TMEM108: variants seen among roughly 807,000 people sequenced by gnomAD.
TMEM108 encodes the protein transmembrane protein 108.
TMEM108 carries 12 observed loss-of-function variants against 35.1 expected under a neutral mutation model. The observed-to-expected ratio is 0.34, with a 90% CI of 0.22 to 0.55. The LOEUF is 0.55. TMEM108 is among the 20% of genes least tolerant of loss of function. TMEM108 has a pLI of 0.89. For missense variants in TMEM108, 680 were observed against 753.3 expected (o/e 0.90, Z 1.14); for synonymous variants, 287 against 308.6 (o/e 0.93, Z 0.73).
intron 2 of TMEM108, among the ~76,000 whole-genome samples, chr3:133,148,447 C>T (rs967032197): frequency 1.3e-5 from 2 of 151,934 alleles, no homozygotes; most frequent in Non-Finnish European, 2.9e-5. Context: ...ACTTTCATTT[C>T]TAGGAGCATT....
chr3:133,272,272 C>CATGTGTGTGTGTGTGTGT (rs373072243), intron 3 of TMEM108, among the ~76,000 whole-genome samples: 23 of 137,726 alleles, frequency 1.7e-4, no homozygotes, highest in African/African-American at 6.2e-4. Context: ...CATACACGTA[C>CATGTGTGTGTGTGTGTGT]GTGTGTGTGT....
chr3:133,297,745 G>A (rs1328374418), intron 3 of TMEM108, among the ~76,000 whole-genome samples: 1 of 152,136 alleles, frequency 6.6e-6, no homozygotes, highest in Non-Finnish European at 1.5e-5. Flanking sequence ...AGGAGTGGTG[G>A]GGACCACATG....
intron 2 of TMEM108, chr3:133,074,275 C>T (rs1943713775): frequency 6.6e-6 from 1 of 151,982 alleles, no homozygotes; most frequent in South Asian, 2.1e-4. Flanking sequence ...ATTTGATTCC[C>T]CCCCAACAAG....
intron 2 of TMEM108, among the ~76,000 whole-genome samples, chr3:133,092,980 T>C (rs1943968171): frequency 6.7e-6 from 1 of 149,730 alleles, no homozygotes; most frequent in African/African-American, 2.4e-5. Flanking sequence ...ATTTTATATA[T>C]GTAGGTAAAG....
chr3:133,300,406 C>T (rs998004211), intron 3 of TMEM108, among the ~76,000 whole-genome samples: 10 of 151,976 alleles, frequency 6.6e-5, no homozygotes, highest in African/African-American at 1.9e-4. Flanking sequence ...TTTACTTTGG[C>T]GGCAACTGGG....
rs376158958 is a variant in TMEM108, at chr3:133,066,815, T to C, written c.-47+20795T>C. On this transcript the variant is annotated intron_variant, in intron 2 of 5. Transcript: ENST00000321871. ...TTACCAATTGCATTCCCTCCCTCTC[T>C]CCCCTACTAGAGGTAATTAGTACAC... Among the ~76,000 whole-genome samples the C allele has an allele frequency of 1.8e-4, 27 of 152,312 alleles. No homozygotes were observed. The East Asian group carries it at 4.4e-3, about 25-fold the overall frequency.
At chr3:133,199,373 G>C (rs1195727092) in intron 2 of TMEM108, among the ~76,000 whole-genome samples, 1 of 152,190 alleles carries the variant, frequency 6.6e-6, no homozygotes, top group Non-Finnish European at 1.5e-5. Flanking sequence ...CTGATTTTTA[G>C]AATTTTCAGC....
intron 2 of TMEM108, among the ~76,000 whole-genome samples, chr3:133,161,857 G>A (rs996765080): frequency 1.3e-5 from 2 of 152,094 alleles, no homozygotes; most frequent in Admixed American, 6.5e-5. Context: ...CCCAACCAAA[G>A]AGCTCCTCGA....
chr3:133,284,666 C>T (rs1946960277), intron 3 of TMEM108, among the ~76,000 whole-genome samples: 3 of 152,192 alleles, frequency 2.0e-5, no homozygotes, highest in Admixed American at 2.0e-4. Context: ...TTTGAGTTTA[C>T]CTCTTCCAAA....
chr3:133,259,171 T>G (rs1021579673), intron 3 of TMEM108, among the ~76,000 whole-genome samples: 20 of 152,220 alleles, frequency 1.3e-4, no homozygotes, highest in African/African-American at 4.3e-4. Context: ...ACTTCGTACT[T>G]TAATAAACCT....
intron 3 of TMEM108, among the ~76,000 whole-genome samples, chr3:133,308,598 T>G (rs1329302854): frequency 6.6e-6 from 1 of 152,232 alleles, no homozygotes; most frequent in African/African-American, 2.4e-5. Context: ...CGAAGGCCTT[T>G]TCTGCACCTA....
At chr3:133,331,804 G>T (rs1291624162) in intron 3 of TMEM108, among the ~76,000 whole-genome samples, 1 of 152,194 alleles carries the variant, frequency 6.6e-6, no homozygotes, top group African/African-American at 2.4e-5. Flanking sequence ...ATGGAGGATG[G>T]GGAGGCCTCA....
intron 2 of TMEM108, among the ~76,000 whole-genome samples, chr3:133,221,180 T>C (rs545230013): frequency 6.6e-6 from 1 of 152,166 alleles, no homozygotes; most frequent in Non-Finnish European, 1.5e-5. Flanking sequence ...TTGTAGCTCC[T>C]CTCTTCTCTC....
intron 2 of TMEM108, among the ~76,000 whole-genome samples, chr3:133,077,512 C>T (rs1943757077): frequency 6.6e-6 from 1 of 152,104 alleles, no homozygotes; most frequent in Non-Finnish European, 1.5e-5. Context: ...ACTCTGCTCT[C>T]CCCACTTTGT....
chr3:133,088,076 G>A (rs920015188), intron 2 of TMEM108, among the ~76,000 whole-genome samples: 2 of 152,288 alleles, frequency 1.3e-5, no homozygotes, highest in Middle Eastern at 3.4e-3. Context: ...AGTGGGGGCC[G>A]AAACATTTTA....
chr3:133,290,870 T>C (rs1452776197), intron 3 of TMEM108, among the ~76,000 whole-genome samples: 1 of 152,196 alleles, frequency 6.6e-6, no homozygotes, highest in Non-Finnish European at 1.5e-5. Flanking sequence ...AGCTCAGCCC[T>C]ATACCTCATT....
chr3:133,192,446 A>G (rs1376482775), intron 2 of TMEM108, among the ~76,000 whole-genome samples: 1 of 151,976 alleles, frequency 6.6e-6, no homozygotes, highest in Non-Finnish European at 1.5e-5. Context: ...GCCTAGGGAG[A>G]GTGTTTAGAG....
At chr3:133,323,015 T>C (rs911185999) in intron 3 of TMEM108, among the ~76,000 whole-genome samples, 1 of 152,060 alleles carries the variant, frequency 6.6e-6, no homozygotes, top group Non-Finnish European at 1.5e-5. Context: ...TACTTCAAGG[T>C]AATAAAAGCC....
At chr3:133,258,049 T>C (rs2107673525) in intron 3 of TMEM108, among the ~76,000 whole-genome samples, 1 of 152,270 alleles carries the variant, frequency 6.6e-6, no homozygotes, top group East Asian at 1.9e-4. Flanking sequence ...AATTCATATG[T>C]TGAAACCTGA....
Sources: gnomAD v4.1 joint callset for allele counts (sites outside exome capture counted in the v4.1 genomes callset) on GRCh38, gnomAD v4.1.1 for gene constraint, MANE v1.5 for transcripts, NCBI Gene and HGNC (gene_info 2026-07-23, HGNC 2026-07-21) for gene names.